Variants in FARP1 observed in about 807,000 individuals in gnomAD.
FARP1 encodes the protein FERM, ARH/RhoGEF and pleckstrin domain protein 1.
In FARP1, 52 loss-of-function variants were observed where a neutral mutation model predicts 128.8. The observed-to-expected ratio is 0.40, with a 90% confidence interval of 0.32 to 0.51. FARP1 has a LOEUF of 0.51. FARP1 is among the 20% of genes least tolerant of loss of function. The pLI is 0.45. For synonymous variants in FARP1, 580 were observed against 551.8 expected (o/e 1.05, Z -0.72); for missense variants, 1,333 against 1,367.9 (o/e 0.97, Z 0.40).
At chr13:98,283,411 T>A (rs918688635) in intron 2 of FARP1, among the ~76,000 whole-genome samples, 5 of 152,188 alleles carry the variant, frequency 3.3e-5, no homozygotes, top group African/African-American at 1.2e-4. Flanking sequence ...AATTAAAAGC[T>A]TAGTCTTCTC....
In FARP1 at chr13:98,451,163, ACT is replaced by A. The variant is rs1308344646; in HGVS notation, c.*2849_*2850del. ...CATTGTCCATTTGTAAATCTGAAGA[ACT>A]CTGTAAATCAGAAAAGCTGCTGTCC... is the stretch of plus-strand genomic sequence containing the variant. On this transcript the variant is annotated 3_prime_UTR_variant, in exon 27 of 27. Coordinates refer to ENST00000319562, the MANE Select transcript of FARP1 (RefSeq NM_005766.4). The A allele has an allele frequency of 9.9e-5, 15 of 152,154 alleles. No individual in the cohort carries two copies. The highest frequency in any genetic ancestry group is 3.6e-4 in the African/African-American group (15 of 41,422). 9.4% of individuals were successfully genotyped at this position (152,154 alleles called of 1,614,324 possible).
At chr13:98,388,888 C>T (rs1003823846) in intron 9 of FARP1, among the ~76,000 whole-genome samples, 7 of 152,230 alleles carry the variant, frequency 4.6e-5, no homozygotes, top group African/African-American at 1.2e-4. Context: ...GCCCTGAGCC[C>T]CCAGTGGAAC....
chr13:98,239,384 G>A (rs1186515956), intron 2 of FARP1, among the ~76,000 whole-genome samples: 1 of 152,192 alleles, frequency 6.6e-6, no homozygotes, highest in African/African-American at 2.4e-5. Flanking sequence ...GCTTGCAATT[G>A]GAGCTCTTTG....
Position 98,440,827 on chromosome 13 carries a change from C to T in FARP1, c.2787C>T (p.Ile929=), listed in dbSNP as rs1272042371. The part of the protein sequence containing the change: ...NTSVSMVDFS[I]AVENQLSGNL... The stretch of plus-strand genomic sequence containing the variant: ...GCGTCTCCATGGTGGACTTCAGCAT[C>T]GCAGTGGAGGTACGCAGGGGCAGGG... Residue 929 remains isoleucine, a synonymous_variant, in exon 24 of 27, where the codon ATC becomes ATT. Transcript: ENST00000319562. The T allele has an allele frequency of 2.1e-5, 33 of 1,606,728 alleles. No individual in the cohort carries two copies. Among genetic ancestry groups the T allele is most frequent in the South Asian group, 8.9e-5 (8 of 90,244 alleles).
intron 2 of FARP1, among the ~76,000 whole-genome samples, chr13:98,343,517 G>A (rs183647714): frequency 4.6e-4 from 70 of 152,342 alleles, no homozygotes; most frequent in African/African-American, 1.5e-3. Flanking sequence ...AAGGTGGGAG[G>A]AGTGATGCCT....
intron 1 of FARP1, among the ~76,000 whole-genome samples, chr13:98,180,994 T>C (rs776275944): frequency 3.3e-5 from 5 of 152,252 alleles, no homozygotes; most frequent in Admixed American, 6.5e-5. Flanking sequence ...TGTGTTTACA[T>C]TTGTTTTCTT....
At chr13:98,284,034 A>G (rs1187157924) in intron 2 of FARP1, among the ~76,000 whole-genome samples, 4 of 152,240 alleles carry the variant, frequency 2.6e-5, no homozygotes, top group Admixed American at 2.6e-4. Flanking sequence ...GAAGTTCTCA[A>G]TAGCCTCATG....
chr13:98,211,183 G>A (rs1271308970), intron 1 of FARP1, among the ~76,000 whole-genome samples: 2 of 152,146 alleles, frequency 1.3e-5, no homozygotes, highest in East Asian at 3.9e-4. Flanking sequence ...CTAAAGGAGG[G>A]GTCCCCAGAT....
intron 1 of FARP1, among the ~76,000 whole-genome samples, chr13:98,172,836 A>G (rs921080726): frequency 7.2e-5 from 11 of 152,188 alleles, no homozygotes; most frequent in Admixed American, 7.2e-4. Context: ...CAAGGAGAGT[A>G]TGAGATAACT....
chr13:98,352,494 A>G (rs1594435603), intron 3 of FARP1, among the ~76,000 whole-genome samples: 3 of 152,194 alleles, frequency 2.0e-5, no homozygotes, highest in African/African-American at 4.8e-5. Flanking sequence ...GGGGAGGGCA[A>G]TCGAGCCAGG....
In FARP1 at chr13:98,297,972, C is replaced by T. The variant is rs145075425; in HGVS notation, c.172-45790C>T. Among the ~76,000 whole-genome samples the T allele has an allele frequency of 4.6e-5, 7 of 152,264 alleles. No homozygotes were observed. The East Asian group carries it at 7.7e-4, about 17-fold the overall frequency. ...GTATCTTGTTTGCCATCATCCTGTG[C>T]GTTTGCATTTTGACCTTGACATTTC... is the stretch of plus-strand genomic sequence containing the variant. On this transcript the variant is annotated intron_variant, in intron 2 of 26. Coordinates refer to ENST00000319562, the MANE Select transcript of FARP1 (RefSeq NM_005766.4).
intron 2 of FARP1, among the ~76,000 whole-genome samples, chr13:98,315,257 T>G (rs1446736891): frequency 1.3e-5 from 2 of 152,128 alleles, no homozygotes; most frequent in African/African-American, 4.8e-5. Context: ...CACAGGCACA[T>G]ACCACCATGC....
At chr13:98,278,280 ATGTG>A (rs918503067) in intron 2 of FARP1, among the ~76,000 whole-genome samples, 9 of 146,392 alleles carry the variant, frequency 6.1e-5, no homozygotes, top group Admixed American at 6.7e-5. Context: ...TATTTTGTGA[ATGTG>A]TGTATGTATG....
At chr13:98,283,056 GTTA>G (rs1885006623) in intron 2 of FARP1, among the ~76,000 whole-genome samples, 1 of 152,140 alleles carries the variant, frequency 6.6e-6, no homozygotes, top group Admixed American at 6.5e-5. Flanking sequence ...GTATGCACAT[GTTA>G]TTATGCATTT....
chr13:98,439,972 C>T lies in FARP1; in HGVS notation c.2445C>T (p.Ser815=), dbSNP rs779847995. 22 of 1,579,036 alleles carry T rather than the reference C, an allele frequency of 1.4e-5. No homozygotes were observed. Among genetic ancestry groups the T allele is most frequent in the South Asian group, 8.1e-5 (7 of 86,824 alleles). ...LPLYGMTIEE[S]EDEWGVPHCL... The stretch of plus-strand genomic sequence containing the variant: ...TCTCTTGCCCACAGATTGAGGAGAG[C>T]GAAGACGAGTGGGGGGTGCCCCACT... Residue 815 remains serine, a synonymous_variant, in exon 22 of 27, where the codon AGC becomes AGT. Transcript: ENST00000319562.
chr13:98,368,236 C>G (rs1454419536), intron 5 of FARP1, 41 bp downstream of exon 5: 1 of 1,413,218 alleles, frequency 7.1e-7, no homozygotes, highest in East Asian at 2.3e-5. Flanking sequence ...CTACAGAGTA[C>G]AGAGGAAAAG....
chr13:98,300,395 C>T (rs1028119577), intron 2 of FARP1, among the ~76,000 whole-genome samples: 1 of 152,192 alleles, frequency 6.6e-6, no homozygotes, highest in African/African-American at 2.4e-5. Flanking sequence ...TCTCTATCAT[C>T]GTTCTAACCG....
At chr13:98,428,051 G>A (rs1221061929) in intron 17 of FARP1, among the ~76,000 whole-genome samples, 3 of 151,742 alleles carry the variant, frequency 2.0e-5, no homozygotes, top group Non-Finnish European at 4.4e-5. Context: ...TGTCTTTCCC[G>A]CTTCGCTCCC....
chr13:98,276,206 T>C (rs1884647076), intron 2 of FARP1, among the ~76,000 whole-genome samples: 1 of 152,048 alleles, frequency 6.6e-6, no homozygotes, highest in African/African-American at 2.4e-5. Flanking sequence ...ATTGATGAAA[T>C]GAGGAAGCAA....
Sources: allele counts gnomAD v4.1 joint callset (sites outside exome capture counted in the v4.1 genomes callset), GRCh38; gene constraint gnomAD v4.1.1; transcripts MANE v1.5; gene names NCBI Gene and HGNC (gene_info 2026-07-23, HGNC 2026-07-21).